The following ROBO2 variants were observed in gnomAD, a reference collection of about 807,000 sequenced individuals.
ROBO2 encodes the protein roundabout homolog 2.
ROBO2 carries 53 observed loss-of-function variants against 160.8 expected under a neutral mutation model. The observed-to-expected ratio is 0.33, with a 90% CI of 0.26 to 0.41. ROBO2 has a LOEUF of 0.41. Ranked by LOEUF, ROBO2 falls within the 10% of genes least tolerant of loss-of-function variation. The pLI is 1.00. For missense variants in ROBO2, 1,577 were observed against 1,722.4 expected (o/e 0.92, Z 1.49); for synonymous variants, 664 against 611.7 (o/e 1.09, Z -1.26).
intron 17 of ROBO2, 81 bp from the exon 19 acceptor site, chr3:77,595,061 G>A (rs912696758): frequency 3.6e-6 from 4 of 1,118,832 alleles, no homozygotes; most frequent in Non-Finnish European, 4.1e-6. Flanking sequence ...CTAAACTAAG[G>A]GCCAATATGT....
chr3:77,449,897 G>A (rs1018640282), intron 2 of ROBO2, among the ~76,000 whole-genome samples: 3 of 152,166 alleles, frequency 2.0e-5, no homozygotes, highest in East Asian at 3.9e-4. Flanking sequence ...TTCTTGCGAT[G>A]CACAATGGGC....
intron 2 of ROBO2, among the ~76,000 whole-genome samples, chr3:76,498,518 AT>A (rs2080277482): frequency 6.6e-6 from 1 of 151,884 alleles, no homozygotes; most frequent in Non-Finnish European, 1.5e-5. Flanking sequence ...GTATTTAGAA[AT>A]TATATAATAA....
chr3:76,351,173 A>C (rs1259003524), intron 2 of ROBO2, among the ~76,000 whole-genome samples: 1 of 151,938 alleles, frequency 6.6e-6, no homozygotes, highest in Admixed American at 6.6e-5. Flanking sequence ...GAACCACAGA[A>C]AGTTTATCAT....
At chr3:76,966,386 A>G (rs1450525424) in intron 2 of ROBO2, among the ~76,000 whole-genome samples, 1 of 152,198 alleles carries the variant, frequency 6.6e-6, no homozygotes, top group Non-Finnish European at 1.5e-5. Flanking sequence ...TACTGTGAGA[A>G]ACTGAGTCAT....
At chr3:77,092,025 A>AAATT (rs1417493354) in intron 1 of ROBO2, 1 of 149,778 alleles carries the variant, frequency 6.7e-6, no homozygotes, top group Non-Finnish European at 1.5e-5. Flanking sequence ...ATAAATAAAT[A>AAATT]AAAAGAATCT....
At chr3:76,564,621 C>T (rs1034716066) in intron 2 of ROBO2, among the ~76,000 whole-genome samples, 1 of 152,176 alleles carries the variant, frequency 6.6e-6, no homozygotes, top group African/African-American at 2.4e-5. Context: ...TCTTTCCAGG[C>T]TCTGTGAGGC....
At chr3:76,666,733 T>G (rs2110118246) in intron 2 of ROBO2, among the ~76,000 whole-genome samples, 1 of 152,228 alleles carries the variant, frequency 6.6e-6, no homozygotes, top group Admixed American at 6.5e-5. Context: ...GAAAAAAAAG[T>G]AATCAAACCA....
At chr3:76,542,673 C>CCT (rs1425647205) in intron 2 of ROBO2, among the ~76,000 whole-genome samples, 1 of 151,892 alleles carries the variant, frequency 6.6e-6, no homozygotes, top group African/African-American at 2.4e-5. Context: ...CAGGATGCTT[C>CCT]CTCTCTCTCT....
intron 2 of ROBO2, among the ~76,000 whole-genome samples, chr3:76,421,992 C>T (rs568630053): frequency 3.9e-5 from 6 of 152,192 alleles, no homozygotes; most frequent in Non-Finnish European, 8.8e-5. Flanking sequence ...ATATTGAGTA[C>T]CCAGTAATAT....
intron 2 of ROBO2, among the ~76,000 whole-genome samples, chr3:76,921,858 G>A (rs2076682953): frequency 6.6e-6 from 1 of 152,134 alleles, no homozygotes; most frequent in Non-Finnish European, 1.5e-5. Flanking sequence ...CTAGGATTAT[G>A]TGAGCTTGTA....
intron 2 of ROBO2, among the ~76,000 whole-genome samples, chr3:77,403,655 T>A (rs1157559844): frequency 6.6e-6 from 1 of 151,590 alleles, no homozygotes; most frequent in Non-Finnish European, 1.5e-5. Context: ...AACATTTAGG[T>A]TGATTCTTTA....
At chr3:76,535,383 G>A (rs1162448774) in intron 2 of ROBO2, among the ~76,000 whole-genome samples, 3 of 152,090 alleles carry the variant, frequency 2.0e-5, no homozygotes, top group African/African-American at 7.2e-5. Context: ...AAAGCCTGCT[G>A]TGGGATGTGA....
At chr3:77,201,011 T>C (rs2082859674) in intron 2 of ROBO2, among the ~76,000 whole-genome samples, 1 of 152,212 alleles carries the variant, frequency 6.6e-6, no homozygotes, top group Admixed American at 6.5e-5. Context: ...ATTGCTCCTG[T>C]TCTTTCTAGT....
At chr3:77,562,674 T>G in exon 10 of ROBO2, 1 of 1,612,854 alleles carries the variant, frequency 6.2e-7, no homozygotes, top group Non-Finnish European at 8.5e-7. Context: ...GCACTTATAC[T>G]TGTGTGGCTA....
chr3:76,511,544 A>G (rs554594112), intron 2 of ROBO2, among the ~76,000 whole-genome samples: 22 of 151,060 alleles, frequency 1.5e-4, no homozygotes, highest in Admixed American at 1.1e-3. Context: ...GATCAAATAA[A>G]GTAAACATAA....
intron 2 of ROBO2, among the ~76,000 whole-genome samples, chr3:76,737,798 TA>T (rs1368198999): frequency 1.3e-5 from 2 of 152,122 alleles, no homozygotes; most frequent in African/African-American, 4.8e-5. Flanking sequence ...GACTTTTAAT[TA>T]AATGTTTAAG....
intron 2 of ROBO2, among the ~76,000 whole-genome samples, chr3:76,259,133 G>T (rs558107084): frequency 1.3e-5 from 2 of 152,066 alleles, no homozygotes; most frequent in Non-Finnish European, 2.9e-5. Context: ...TAGGCTGCTG[G>T]TGTTTTTTGT....
intron 2 of ROBO2, among the ~76,000 whole-genome samples, chr3:76,042,989 C>A (rs928808297): frequency 8.6e-5 from 13 of 152,024 alleles, no homozygotes; most frequent in Admixed American, 7.2e-4. Flanking sequence ...CTTCCTTCTA[C>A]AACTCGGTGT....
chr3:76,627,156 G>A (rs532120511), intron 2 of ROBO2, among the ~76,000 whole-genome samples: 1 of 152,250 alleles, frequency 6.6e-6, no homozygotes, highest in East Asian at 1.9e-4. Context: ...GCATAGATAA[G>A]CACAGTTTGG....
Sources: gnomAD v4.1 joint callset for allele counts (sites outside exome capture counted in the v4.1 genomes callset) on GRCh38, gnomAD v4.1.1 for gene constraint, MANE v1.5 for transcripts, NCBI Gene and HGNC (gene_info 2026-07-23, HGNC 2026-07-21) for gene names.